FRAS1: variants seen among roughly 807,000 people sequenced by gnomAD.
FRAS1 encodes extracellular matrix organizing protein FRAS1.
A neutral mutation model predicts 435.2 loss-of-function variants in FRAS1; 290 were observed. That is an observed-to-expected ratio of 0.67 (90% confidence interval 0.61 to 0.73). FRAS1 has a LOEUF of 0.73. Among genes scored for constraint, FRAS1 ranks in the 30% least tolerant of loss-of-function variants. FRAS1 has a pLI of 0.00. For synonymous variants in FRAS1, 1,800 were observed against 1,851.0 expected, an observed-to-expected ratio of 0.97 and a Z score of 0.71; for missense variants, 4,860 against 5,001.5, an observed-to-expected ratio of 0.97 and a Z score of 0.85.
chr4:78,328,655 C>T (rs534742684), intron 18 of FRAS1, among the ~76,000 whole-genome samples: 1 of 152,164 alleles, frequency 6.6e-6, no homozygotes, highest in Non-Finnish European at 1.5e-5. Context: ...GGAAAAAATT[C>T]CTAACTGTGA....
At position 78,470,971 on chromosome 4, in the gene FRAS1, C is replaced by T. The variant is rs183530239; in HGVS notation, c.7371+880C>T. ...GGAGGCTGGGAAATAGCATCTCTAGCTGGGCAGGCAGAGGCTCAGCTAAAA... is the reference window on the plus strand; with the variant it reads ...GGAGGCTGGGAAATAGCATCTCTAGTTGGGCAGGCAGAGGCTCAGCTAAAA... On this transcript the variant is annotated intron_variant, in intron 51 of 73. Transcript: ENST00000512123. Among the ~76,000 whole-genome samples the T allele has an allele frequency of 1.1e-3, 165 of 152,270 alleles. 3 individuals carry two copies. Among genetic ancestry groups the T allele is most frequent in the South Asian group, 8.7e-3 (42 of 4,810 alleles).
intron 66 of FRAS1, among the ~76,000 whole-genome samples, chr4:78,516,790 A>C (rs1028806860): frequency 6.6e-6 from 1 of 152,214 alleles, no homozygotes; most frequent in Non-Finnish European, 1.5e-5. Context: ...TCACTATCAC[A>C]AGAACAGCAT....
Position 78,101,025 on chromosome 4 carries a change from T to C in FRAS1, c.108+35009T>C, listed in dbSNP as rs754843825. On this transcript the variant is annotated intron_variant, in intron 2 of 73. Transcript: ENST00000512123. The stretch of plus-strand genomic sequence containing the variant: ...CTTTGTTTTGTGGGGTGGGATGGTA[T>C]GGAAACATAGGGGTTGCTGAAGGGC... 4.6e-5 allele frequency among the ~76,000 whole-genome samples: 7 copies of C among 152,242 alleles called. No homozygotes were observed. In the East Asian group the frequency reaches 5.8e-4, roughly 13 times the overall value.
chr4:78,362,757 G>C (rs955438253), intron 20 of FRAS1, among the ~76,000 whole-genome samples: 3 of 152,218 alleles, frequency 2.0e-5, no homozygotes, highest in African/African-American at 7.2e-5. Flanking sequence ...TTTCTCAGAA[G>C]AGAGTGGAGC....
intron 37 of FRAS1, among the ~76,000 whole-genome samples, chr4:78,431,756 C>A (rs1734230122): frequency 6.6e-6 from 1 of 152,088 alleles, no homozygotes; most frequent in Non-Finnish European, 1.5e-5. Context: ...TATTTATTCA[C>A]ATTTTCCACA....
At chr4:78,453,590 C>T (rs2109837188) in intron 47 of FRAS1, among the ~76,000 whole-genome samples, 1 of 152,188 alleles carries the variant, frequency 6.6e-6, no homozygotes, top group South Asian at 2.1e-4. Context: ...CCCTTGAGTC[C>T]AGGAGTTTGA....
At chr4:78,319,517 T>G in intron 18 of FRAS1, 2 of 420,012 alleles carry the variant, frequency 4.8e-6, no homozygotes, top group Non-Finnish European at 9.8e-6. Context: ...GTATTATAGT[T>G]TCCTTTCTGT....
chr4:78,505,693 A>T (rs910447541), intron 61 of FRAS1, among the ~76,000 whole-genome samples: 2 of 151,710 alleles, frequency 1.3e-5, no homozygotes, highest in Non-Finnish European at 2.9e-5. Flanking sequence ...TAGCTCGGAG[A>T]AGTTTGTTAT....
At chr4:78,339,049 A>G (rs909374325) in intron 20 of FRAS1, among the ~76,000 whole-genome samples, 6 of 152,198 alleles carry the variant, frequency 3.9e-5, no homozygotes, top group African/African-American at 1.4e-4. Flanking sequence ...TTCAGAGTCC[A>G]GGATTTGGAC....
Position 78,214,261 on chromosome 4 carries a change from T to C in FRAS1, c.109-23249T>C, listed in dbSNP as rs548040521. 5.3e-5 allele frequency among the ~76,000 whole-genome samples: 8 copies of C among 152,374 alleles called. No individual in the cohort carries two copies. The South Asian group carries it at 6.2e-4, about 12-fold the overall frequency. ...TCTATCTGTCATAAATCTTCTTGCT[T>C]AACTTGATAGTATGTGGTTGGATTA... On this transcript the variant is annotated intron_variant, in intron 2 of 73. Coordinates refer to ENST00000512123, the MANE Select transcript of FRAS1 (RefSeq NM_025074.7).
chr4:78,395,666 A>G (rs1291536813), intron 29 of FRAS1, among the ~76,000 whole-genome samples: 1 of 152,036 alleles, frequency 6.6e-6, no homozygotes, highest in Non-Finnish European at 1.5e-5. Context: ...TGATATAAAT[A>G]TAGGCATCTC....
chr4:78,261,188 C>A (rs1022096624), intron 6 of FRAS1, among the ~76,000 whole-genome samples: 8 of 151,908 alleles, frequency 5.3e-5, no homozygotes, highest in African/African-American at 1.9e-4. Flanking sequence ...TTAATTAAGT[C>A]TTTTTTATTT....
At chr4:78,159,441 T>G (rs1721043494) in intron 2 of FRAS1, among the ~76,000 whole-genome samples, 4 of 152,186 alleles carry the variant, frequency 2.6e-5, no homozygotes, top group Admixed American at 2.6e-4. Flanking sequence ...TGGACTGTAT[T>G]CTGGAACTCC....
chr4:78,522,751 G>A lies in FRAS1; in HGVS notation c.10751G>A (p.Ser3584Asn). 2 of 1,612,470 alleles carry A rather than the reference G, an allele frequency of 1.2e-6. No homozygotes were observed. The highest frequency in any genetic ancestry group is 1.7e-6 in the Non-Finnish European group (2 of 1,179,206). ...GAATTTGACTTGCAGCTATTATGGA[G>A]CGCTCAGACTTTTGATTCTCCACAT... ...GIEFDLQLLWSAQTFDSPHQL... is the reference protein window; with the variant it reads ...GIEFDLQLLWNAQTFDSPHQL... The change falls in exon 69 of 74, where the codon AGC becomes AAC. Residue 3584 changes from serine (S) to asparagine (N), a missense_variant. Ser to Asn is a conservative substitution (Grantham distance 46). Coordinates refer to ENST00000512123, the MANE Select transcript of FRAS1 (RefSeq NM_025074.7).
intron 22 of FRAS1, among the ~76,000 whole-genome samples, chr4:78,366,253 G>A (rs1385515124): frequency 1.3e-5 from 2 of 152,204 alleles, no homozygotes; most frequent in Non-Finnish European, 2.9e-5. Flanking sequence ...GTAAGGTTCT[G>A]AGTACTTGAA....
At chr4:78,387,290 T>C (rs960955719) in intron 28 of FRAS1, 85 bp from the exon 29 acceptor site, 12 of 1,002,000 alleles carry the variant, frequency 1.2e-5, no homozygotes, top group Admixed American at 9.1e-5. Flanking sequence ...TCTCAAAAAG[T>C]ATAGGAATAA....
chr4:78,479,270 T>C, intron 55 of FRAS1, 104 bp from the exon 56 acceptor site: 3 of 653,158 alleles, frequency 4.6e-6, no homozygotes, highest in Non-Finnish European at 4.6e-6. Context: ...ACAGAAATAG[T>C]GATGGACTGT....
intron 14 of FRAS1, among the ~76,000 whole-genome samples, chr4:78,301,064 G>A (rs1578237069): frequency 6.6e-6 from 1 of 152,238 alleles, no homozygotes; most frequent in South Asian, 2.1e-4. Context: ...AGAGAGAATT[G>A]GATCTTGAGG....
chr4:78,216,848 G>A (rs543081955), intron 2 of FRAS1, among the ~76,000 whole-genome samples: 1 of 152,262 alleles, frequency 6.6e-6, no homozygotes, highest in South Asian at 2.1e-4. Context: ...GAGAGACTGT[G>A]TCAGAGAAAA....
Sources: gnomAD v4.1 joint callset for allele counts (sites outside exome capture counted in the v4.1 genomes callset) on GRCh38, gnomAD v4.1.1 for gene constraint, MANE v1.5 for transcripts, NCBI Gene and HGNC (gene_info 2026-07-23, HGNC 2026-07-21) for gene names.